Variants in PHF6 observed in about 807,000 individuals in gnomAD.
PHF6 encodes PHD finger protein 6, also known as PHD-like zinc finger protein.
Under a neutral mutation model 34.0 loss-of-function variants are expected in PHF6, and 7 were observed. The observed-to-expected ratio is 0.21, with a 90% CI of 0.12 to 0.39. The LOEUF (loss-of-function observed/expected upper bound fraction) is 0.39, where lower values mean the gene tolerates loss of function less well. Among genes scored for constraint, PHF6 ranks in the 10% least tolerant of loss-of-function variants. PHF6 has a pLI of 1.00. For synonymous variants in PHF6, 89 were observed against 88.4 expected, an observed-to-expected ratio of 1.01 and a Z score of -0.04; for missense variants, 128 against 262.8, an observed-to-expected ratio of 0.49 and a Z score of 3.55.
At chrX:134,407,400 C>A (rs1161368653) in intron 5 of PHF6, among the ~76,000 whole-genome samples, 5 of 112,399 alleles carry the variant, frequency 4.4e-5, no homozygotes, top group Non-Finnish European at 9.4e-5. Context: ...AAGTGTTCAT[C>A]ACATTTGTAA....
chrX:134,378,245 C>T, intron 3 of PHF6, 139 bp downstream of exon 3: 1 of 349,846 alleles, frequency 2.9e-6, no homozygotes, highest in Non-Finnish European at 4.9e-6. Context: ...TTTCTCTGAG[C>T]CAGCAAAATC....
Position 134,428,566 on chromosome X carries a change from C to T in PHF6, c.*2906C>T. On this transcript the variant is annotated 3_prime_UTR_variant, in exon 11 of 11. Coordinates refer to ENST00000370803, the MANE Select transcript of PHF6 (RefSeq NM_001015877.2). ...TGTTGTTGCTTTTTTAAAAAAAGCG[C>T]TGAAGTTAGACCAAGGTATACAGTT... 6.4e-6 allele frequency: 1 copy of T among 155,771 alleles called. No homozygotes were observed. The highest frequency in any genetic ancestry group is 9.8e-5 in the East Asian group (1 of 10,177). The allele number at this position is 155,771 out of a possible 1,213,427, so 12.8% of individuals were successfully genotyped here. A position where few individuals can be genotyped will look rare whatever the true frequency, so the allele number is the denominator to read the frequency against.
At chrX:134,414,230 G>T (rs2077462888) in intron 7 of PHF6, among the ~76,000 whole-genome samples, 1 of 110,755 alleles carries the variant, frequency 9.0e-6, no homozygotes, top group Non-Finnish European at 1.9e-5. Context: ...CTGTAGTTAG[G>T]ATAATCTGTA....
At chrX:134,422,169 C>T (rs777923495) in intron 9 of PHF6, among the ~76,000 whole-genome samples, 122 of 111,182 alleles carry the variant, frequency 1.1e-3, no homozygotes, top group African/African-American at 3.7e-3. Flanking sequence ...GCGATCCACC[C>T]GCCCCAGCCT....
chrX:134,397,377 G>A (rs1006867750), intron 5 of PHF6, among the ~76,000 whole-genome samples: 2 of 111,953 alleles, frequency 1.8e-5, no homozygotes, highest in Non-Finnish European at 3.8e-5. Flanking sequence ...GGGCTGGCAC[G>A]GTGGCTCACT....
In PHF6 at chrX:134,384,569, C is replaced by G. The variant is rs781211229; in HGVS notation, c.240+6463C>G. 8.3e-5 allele frequency among the ~76,000 whole-genome samples: 9 copies of G among 108,689 alleles called. 1 individual carries two copies. Among genetic ancestry groups the G allele is most frequent in the South Asian group, 8.5e-4 (2 of 2,355 alleles). The allele number at this position is 108,689 out of a possible 115,157, so 94.4% of individuals were successfully genotyped here. A position where few individuals can be genotyped will look rare whatever the true frequency, so the allele number is the denominator to read the frequency against. ...CCTGATTCTTCTTCTGAATCCTTTA[C>G]CATCAACTCTTCCTTCTTCCATATC... On this transcript the variant is annotated intron_variant, in intron 3 of 10. Coordinates refer to ENST00000370803, the MANE Select transcript of PHF6 (RefSeq NM_001015877.2).
chrX:134,411,712 G>T (rs1329191000), intron 5 of PHF6, among the ~76,000 whole-genome samples: 1 of 111,235 alleles, frequency 9.0e-6, no homozygotes, highest in Non-Finnish European at 1.9e-5. Context: ...TTCATTTTGA[G>T]AATTTTTAAT....
intron 5 of PHF6, among the ~76,000 whole-genome samples, chrX:134,406,478 C>T (rs2077425733): frequency 9.0e-6 from 1 of 111,248 alleles, no homozygotes; most frequent in African/African-American, 3.3e-5. Context: ...GAGCATAAAC[C>T]AGGAAGTTGT....
chrX:134,409,086 C>T (rs934345062), intron 5 of PHF6, among the ~76,000 whole-genome samples: 1 of 111,823 alleles, frequency 8.9e-6, no homozygotes, highest in Admixed American at 9.5e-5. Flanking sequence ...GTCAAATATC[C>T]CAGTCTTTTC....
At chrX:134,402,624 C>T (rs1337150262) in intron 5 of PHF6, among the ~76,000 whole-genome samples, 2 of 111,632 alleles carry the variant, frequency 1.8e-5, no homozygotes, top group Non-Finnish European at 3.8e-5. Flanking sequence ...AATGCGTGTA[C>T]AACTCTAAAC....
At chrX:134,404,667 C>T (rs1042110978) in intron 5 of PHF6, among the ~76,000 whole-genome samples, 4 of 111,367 alleles carry the variant, frequency 3.6e-5, no homozygotes, top group Admixed American at 9.6e-5. Context: ...TCCATCAATG[C>T]GGCAAACTTC....
At chrX:134,387,083 T>A (rs1418541413) in intron 3 of PHF6, among the ~76,000 whole-genome samples, 4 of 111,163 alleles carry the variant, frequency 3.6e-5, no homozygotes, top group Non-Finnish European at 7.5e-5. Context: ...TGATTTTTTT[T>A]AAAAGCTCCA....
At chrX:134,412,493 A>G (rs2077455247) in intron 5 of PHF6, among the ~76,000 whole-genome samples, 2 of 111,886 alleles carry the variant, frequency 1.8e-5, no homozygotes, top group African/African-American at 6.5e-5. Context: ...TTGAGAAATT[A>G]GTCTCTAGAA....
intron 1 of PHF6, among the ~76,000 whole-genome samples, chrX:134,376,523 A>G (rs2077278740): frequency 9.0e-6 from 1 of 111,648 alleles, no homozygotes; most frequent in African/African-American, 3.3e-5. Flanking sequence ...GAAACCTTTC[A>G]TGTTAGAGCT....
Position 134,428,564 on chromosome X carries a change from C to T in PHF6, c.*2904C>T, listed in dbSNP as rs992401344. 3 of 153,574 alleles carry T rather than the reference C, an allele frequency of 2.0e-5. No homozygotes were observed. The highest frequency in any genetic ancestry group is 3.3e-4 in the South Asian group (1 of 3,046). The allele number at this position is 153,574 out of a possible 1,213,427, so 12.7% of individuals were successfully genotyped here. ...AGTGTTGTTGCTTTTTTAAAAAAAG[C>T]GCTGAAGTTAGACCAAGGTATACAG... On this transcript the variant is annotated 3_prime_UTR_variant, in exon 11 of 11. Coordinates refer to ENST00000370803, the MANE Select transcript of PHF6 (RefSeq NM_001015877.2).
intron 3 of PHF6, among the ~76,000 whole-genome samples, chrX:134,378,374 AAAAC>A (rs1270355039): frequency 3.6e-5 from 4 of 111,890 alleles, no homozygotes; most frequent in Non-Finnish European, 5.6e-5. Flanking sequence ...GTTTACTTAG[AAAAC>A]AAACAGTTTG....
chrX:134,406,830 A>G (rs1259707724), intron 5 of PHF6, among the ~76,000 whole-genome samples: 1 of 112,124 alleles, frequency 8.9e-6, no homozygotes, highest in Non-Finnish European at 1.9e-5. Context: ...TTTTGAATAG[A>G]TACATGAACA....
chrX:134,417,042 A>G (rs1031008510), intron 8 of PHF6, 127 bp from the exon 9 acceptor site: 5 of 706,984 alleles, frequency 7.1e-6, no homozygotes, highest in Admixed American at 2.8e-5. Flanking sequence ...TTATCAAAGT[A>G]TGGTTTAAGT....
intron 1 of PHF6, among the ~76,000 whole-genome samples, chrX:134,376,148 A>T (rs945511445): frequency 3.6e-5 from 4 of 112,057 alleles, no homozygotes; most frequent in Admixed American, 1.9e-4. Context: ...GCTTCAGGTG[A>T]AATTTTGATT....
Sources: gnomAD v4.1 joint callset for allele counts (sites outside exome capture counted in the v4.1 genomes callset) on GRCh38, gnomAD v4.1.1 for gene constraint, MANE v1.5 for transcripts, NCBI Gene and HGNC (gene_info 2026-07-23, HGNC 2026-07-21) for gene names.